The following PCDHA2 variants were observed in gnomAD, a reference collection of about 807,000 sequenced individuals.
PCDHA2 encodes the protein protocadherin alpha 2.
Under a neutral mutation model 66.0 loss-of-function variants are expected in PCDHA2, and 58 were observed. That is an observed-to-expected ratio of 0.88 (90% CI 0.71 to 1.09). PCDHA2 has a LOEUF of 1.09. Ranked by LOEUF, PCDHA2 falls within the 50% of genes least tolerant of loss-of-function variation. The probability of loss-of-function intolerance (pLI) is 0.00; values close to 1 mark genes in which losing one functional copy is unlikely to be tolerated. For missense variants in PCDHA2, 1,267 were observed against 1,242.3 expected (o/e 1.02, Z -0.30); for synonymous variants, 634 against 554.0 (o/e 1.14, Z -2.03).
intron 1 of PCDHA2, among the ~76,000 whole-genome samples, chr5:140,871,781 T>C (rs2053304252): frequency 6.6e-6 from 1 of 152,238 alleles, no homozygotes. Flanking sequence ...CTGTAGTCAC[T>C]TGAGTAGAAA....
chr5:140,802,400 C>T, intron 1 of PCDHA2: 1 of 1,614,242 alleles, frequency 6.2e-7, no homozygotes, highest in South Asian at 1.1e-5. Context: ...TGTCCACCTT[C>T]AAGAATTACT....
intron 1 of PCDHA2, among the ~76,000 whole-genome samples, chr5:140,931,556 A>T (rs2153608416): frequency 6.6e-6 from 1 of 152,166 alleles, no homozygotes; most frequent in East Asian, 1.9e-4. Context: ...ATGTGCAGGA[A>T]TATTGTACCA....
At chr5:140,974,151 G>A (rs2096617637) in intron 1 of PCDHA2, among the ~76,000 whole-genome samples, 1 of 152,118 alleles carries the variant, frequency 6.6e-6, no homozygotes, top group Non-Finnish European at 1.5e-5. Context: ...ACTATACAAG[G>A]GTTTTTCTTT....
intron 1 of PCDHA2, among the ~76,000 whole-genome samples, chr5:140,907,337 A>G (rs2073315694): frequency 6.6e-6 from 1 of 152,210 alleles, no homozygotes; most frequent in Non-Finnish European, 1.5e-5. Flanking sequence ...TTCCATATGC[A>G]TGAGCCCGCT....
chr5:140,930,196 T>A (rs1554207641), intron 1 of PCDHA2: 3 of 152,226 alleles, frequency 2.0e-5, no homozygotes, highest in African/African-American at 7.2e-5. Context: ...AATTTTTATG[T>A]CAGAAATATT....
chr5:140,803,127 C>T lies in PCDHA2; in HGVS notation c.2388+5775C>T, dbSNP rs386352345. ...TGCCCTGGACGAGGTGGACGCCCCG[C>T]GCCATCGCCTACTGGTGCTGGTGAA... is the stretch of plus-strand genomic sequence containing the variant. On this transcript the variant is annotated intron_variant, in intron 1 of 3. Transcript: ENST00000526136. 1.2e-6 allele frequency: 2 copies of T among 1,613,838 alleles called. No individual in the cohort carries two copies. Among genetic ancestry groups the T allele is most frequent in the African/African-American group, 1.3e-5 (1 of 75,068 alleles).
At chr5:140,868,967 A>C (rs2050769969) in intron 1 of PCDHA2, 2 of 1,435,752 alleles carry the variant, frequency 1.4e-6, no homozygotes, top group South Asian at 1.4e-5. Flanking sequence ...ATACAAAGGA[A>C]CTCCATCATA....
At chr5:140,914,778 T>G (rs942539067) in intron 1 of PCDHA2, among the ~76,000 whole-genome samples, 1 of 152,138 alleles carries the variant, frequency 6.6e-6, no homozygotes, top group African/African-American at 2.4e-5. Flanking sequence ...ATGACTTATC[T>G]TATGACCCAT....
rs892987704 is a variant in PCDHA2, at chr5:140,988,405, C to A, written c.2536+5842C>A. Among the ~76,000 whole-genome samples, 31 of 152,248 alleles carry A rather than the reference C, an allele frequency of 2.0e-4. No individual in the cohort carries two copies. In the East Asian group the frequency reaches 5.6e-3, roughly 28 times the overall value. The stretch of plus-strand genomic sequence containing the variant: ...ATTGTGTTTGCCAGAGTTCTCTTCG[C>A]AGCTTATGTAAAGAATTTGTTTGTT... On this transcript the variant is annotated intron_variant, in intron 3 of 3. Transcript: ENST00000526136.
chr5:140,977,325 G>A (rs1277032974), intron 1 of PCDHA2, among the ~76,000 whole-genome samples: 1 of 152,210 alleles, frequency 6.6e-6, no homozygotes, highest in African/African-American at 2.4e-5. Context: ...TCCTGATGGC[G>A]AGGGGAGAGA....
intron 1 of PCDHA2, chr5:140,849,320 G>A (rs1562454724): frequency 1.5e-6 from 2 of 1,335,992 alleles, no homozygotes; most frequent in East Asian, 2.4e-5. Context: ...GCTTGAATGG[G>A]GATATTATTT....
chr5:140,919,982 G>A (rs2079388824), intron 1 of PCDHA2, among the ~76,000 whole-genome samples: 2 of 151,998 alleles, frequency 1.3e-5, no homozygotes, highest in Admixed American at 6.5e-5. Context: ...GATAGAAGAT[G>A]GAAAACAGAC....
At chr5:141,007,325 C>G (rs1303133451) in intron 3 of PCDHA2, among the ~76,000 whole-genome samples, 2 of 145,322 alleles carry the variant, frequency 1.4e-5, no homozygotes, top group Non-Finnish European at 3.0e-5. Flanking sequence ...CTAAAGTGGA[C>G]AGATTGCCTG....
chr5:140,944,807 A>G (rs1472832230), intron 1 of PCDHA2, among the ~76,000 whole-genome samples: 1 of 152,214 alleles, frequency 6.6e-6, no homozygotes, highest in Non-Finnish European at 1.5e-5. Context: ...TCGAGGGTCC[A>G]CAGTGATCTT....
chr5:140,842,587 G>A (rs1778112450), intron 1 of PCDHA2: 1 of 1,529,428 alleles, frequency 6.5e-7, no homozygotes, highest in Non-Finnish European at 8.9e-7. Flanking sequence ...CGGCCTATGA[G>A]TTGGTGGTAA....
At chr5:140,929,294 G>A in intron 1 of PCDHA2, 1 of 1,594,058 alleles carries the variant, frequency 6.3e-7, no homozygotes, top group Non-Finnish European at 8.6e-7. Flanking sequence ...ATTCGGAATA[G>A]GAAAGGGGAT....
At chr5:140,974,335 G>T (rs1481372488) in intron 1 of PCDHA2, among the ~76,000 whole-genome samples, 2 of 152,158 alleles carry the variant, frequency 1.3e-5, no homozygotes, top group African/African-American at 4.8e-5. Context: ...GTGCTAGCAG[G>T]CTATGCATCC....
In PCDHA2 at chr5:140,796,897, C is replaced by T. The variant is rs547112587; in HGVS notation, c.1933C>T (p.His645Tyr). 101 of 1,613,952 alleles carry T rather than the reference C, an allele frequency of 6.3e-5. No homozygotes were observed. Among genetic ancestry groups the T allele is most frequent in the Non-Finnish European group, 8.5e-5 (100 of 1,179,982 alleles). The change falls in exon 1 of 4, where the codon CAC becomes TAC. Residue 645 changes from histidine (H) to tyrosine (Y), a missense_variant. By Grantham distance (83) the His-to-Tyr change is moderately conservative (BLOSUM62 2). Transcript: ENST00000526136. ...CCTAGACGAGGCTGACTCCCCTCGACACCGCCTACTCGTGCTGGTGAAGGA... is the reference window on the plus strand; with the variant it reads ...CCTAGACGAGGCTGACTCCCCTCGATACCGCCTACTCGTGCTGGTGAAGGA... ...RALDEADSPRHRLLVLVKDHG... is the reference protein window; with the variant it reads ...RALDEADSPRYRLLVLVKDHG...
chr5:140,942,108 A>C (rs2093230471), intron 1 of PCDHA2, among the ~76,000 whole-genome samples: 1 of 152,238 alleles, frequency 6.6e-6, no homozygotes. Context: ...TCATATAATC[A>C]AACTTTATTA....
Sources: gnomAD v4.1 joint callset for allele counts (sites outside exome capture counted in the v4.1 genomes callset) on GRCh38, gnomAD v4.1.1 for gene constraint, MANE v1.5 for transcripts, NCBI Gene and HGNC (gene_info 2026-07-23, HGNC 2026-07-21) for gene names.